Variants in CYP7B1 observed in about 807,000 individuals in gnomAD.
The protein encoded by CYP7B1 is cytochrome P450 family 7 subfamily B member 1, also known as cytochrome P450 7B1.
Under a neutral mutation model 42.7 loss-of-function variants are expected in CYP7B1, and 29 were observed. That is an observed-to-expected ratio of 0.68 (90% CI 0.51 to 0.93). The LOEUF (loss-of-function observed/expected upper bound fraction) is 0.93, where lower values mean the gene tolerates loss of function less well. Ranked by LOEUF, CYP7B1 falls within the 40% of genes least tolerant of loss-of-function variation. CYP7B1 has a pLI of 0.00. For synonymous variants in CYP7B1, 235 were observed against 218.2 expected (o/e 1.08, Z -0.68); for missense variants, 655 against 600.5 (o/e 1.09, Z -0.95).
intron 1 of CYP7B1, among the ~76,000 whole-genome samples, chr8:64,669,592 A>G (rs1195770776): frequency 6.6e-6 from 1 of 152,154 alleles, no homozygotes; most frequent in African/African-American, 2.4e-5. Context: ...TGTTGGATGA[A>G]TTACCTCATT....
At chr8:64,738,059 T>G (rs190761512) in intron 1 of CYP7B1, among the ~76,000 whole-genome samples, 2 of 152,342 alleles carry the variant, frequency 1.3e-5, no homozygotes, top group Admixed American at 1.3e-4. Context: ...GATATGAATT[T>G]TTATATTCTA....
intron 1 of CYP7B1, among the ~76,000 whole-genome samples, chr8:64,709,121 G>A (rs1807043135): frequency 6.6e-6 from 1 of 152,182 alleles, no homozygotes; most frequent in African/African-American, 2.4e-5. Flanking sequence ...CTGCACCAGA[G>A]GCAACACTGA....
chr8:64,742,845 C>T (rs1807589878), intron 1 of CYP7B1, among the ~76,000 whole-genome samples: 6 of 152,092 alleles, frequency 3.9e-5, no homozygotes, highest in Admixed American at 3.9e-4. Context: ...TCCTTTGTAA[C>T]CCTCCATATG....
intron 1 of CYP7B1, among the ~76,000 whole-genome samples, chr8:64,624,948 A>ATTGTTTTTT (rs1185048024): frequency 1.3e-5 from 1 of 76,802 alleles, no homozygotes; most frequent in Non-Finnish European, 2.4e-5. Context: ...CCATTATATC[A>ATTGTTTTTT]TTCTTTTTTT....
chr8:64,590,481 C>T (rs190132256), downstream of CYP7B1, among the ~76,000 whole-genome samples: 57 of 152,328 alleles, frequency 3.7e-4, no homozygotes, highest in African/African-American at 1.3e-3. Flanking sequence ...ACAAAGATTA[C>T]ACCTGCTGAA....
intron 1 of CYP7B1, among the ~76,000 whole-genome samples, chr8:64,797,755 A>G (rs1804726739): frequency 6.6e-6 from 1 of 152,244 alleles, no homozygotes; most frequent in Non-Finnish European, 1.5e-5. Context: ...CCAGAGCAGT[A>G]TGAAAATAGG....
Position 64,637,723 on chromosome 8 carries a change from CAT to C in CYP7B1, c.123-13186_123-13185del, listed in dbSNP as rs528311063. On this transcript the variant is annotated intron_variant, in intron 1 of 5. Coordinates refer to ENST00000310193, the MANE Select transcript of CYP7B1 (RefSeq NM_004820.5). ...ACCCCATCTTGTCTGTACCCTCCCA[CAT>C]GTTTTGTGAAATAAACTTTCAATGT... is the stretch of plus-strand genomic sequence containing the variant. 3.2e-4 allele frequency among the ~76,000 whole-genome samples: 48 copies of C among 152,300 alleles called. 2 individuals carry two copies. The South Asian group carries it at 9.3e-3, about 30-fold the overall frequency.
chr8:64,738,629 C>A (rs998528727), intron 1 of CYP7B1, among the ~76,000 whole-genome samples: 1 of 152,130 alleles, frequency 6.6e-6, no homozygotes, highest in African/African-American at 2.4e-5. Context: ...CTGGTTTCAG[C>A]TCCAATATGT....
intron 1 of CYP7B1, among the ~76,000 whole-genome samples, chr8:64,657,894 G>T (rs1298017920): frequency 1.3e-5 from 2 of 152,176 alleles, no homozygotes; most frequent in African/African-American, 2.4e-5. Flanking sequence ...TACAAAAATG[G>T]TGATTTACAA....
rs1805048707 is a variant in CYP7B1 at position 64,592,285 on chromosome 8, A to G, written c.*4357T>C. Among the ~76,000 whole-genome samples, 2 of 152,224 alleles carry G rather than the reference A, an allele frequency of 1.3e-5. No individual in the cohort carries two copies. The highest frequency in any genetic ancestry group is 4.8e-5 in the African/African-American group (2 of 41,464). Reference sequence around the variant, plus strand: ...TGGTTTTAATTATCATATTATCAAAATACCTGTTGTATATATTTTTATTGT... The same window carrying G: ...TGGTTTTAATTATCATATTATCAAAGTACCTGTTGTATATATTTTTATTGT... On this transcript the variant is annotated 3_prime_UTR_variant, in exon 6 of 6. Transcript: ENST00000310193.
In CYP7B1 at chr8:64,693,030, AG is replaced by A. The variant is rs558549088; in HGVS notation, c.123-68492del. 7.2e-5 allele frequency among the ~76,000 whole-genome samples: 11 copies of A among 152,362 alleles called. 1 individual carries two copies. The South Asian group carries it at 2.1e-3, about 29-fold the overall frequency. On this transcript the variant is annotated intron_variant, in intron 1 of 5. Transcript: ENST00000310193. ...GGCTTTGCCAAGTGTCCCAGCATTA[AG>A]ACATCCTGCTTCTTTGCTCTCAGGG...
chr8:64,604,614 T>C lies in CYP7B1; in HGVS notation c.1233+68A>G, dbSNP rs773788120. 27 of 1,583,320 alleles carry C rather than the reference T, an allele frequency of 1.7e-5. No individual in the cohort carries two copies. In the South Asian group the frequency reaches 2.1e-4, roughly 12 times the overall value. ...GGACCAAAGTGGCAAGAGGAAGAGATAGGGATGGAAGAGGAATGTGCCCAC... is the reference window on the plus strand; with the variant it reads ...GGACCAAAGTGGCAAGAGGAAGAGACAGGGATGGAAGAGGAATGTGCCCAC... On this transcript the variant is annotated intron_variant, in intron 5 of 5. Transcript: ENST00000310193.
chr8:64,798,435 G>C, intron 1 of CYP7B1, 31 bp downstream of exon 1: 1 of 1,502,774 alleles, frequency 6.7e-7, no homozygotes. Context: ...GGCCCAGGGC[G>C]CATGCGTGGC....
At chr8:64,614,955 C>G in intron 4 of CYP7B1, 71 bp downstream of exon 4, 3 of 1,470,404 alleles carry the variant, frequency 2.0e-6, no homozygotes, top group Non-Finnish European at 2.9e-6. Flanking sequence ...TCTTGGTAAA[C>G]AGCTATGAGT....
intron 1 of CYP7B1, among the ~76,000 whole-genome samples, chr8:64,643,156 T>C (rs1185908222): frequency 2.8e-5 from 3 of 106,152 alleles, no homozygotes; most frequent in Non-Finnish European, 4.0e-5. Context: ...CATATATACA[T>C]ATATACACAT....
At position 64,717,369 on chromosome 8, in the gene CYP7B1, C is replaced by T. The variant is rs78676734; in HGVS notation, c.122+81097G>A. The stretch of plus-strand genomic sequence containing the variant: ...ATTTCAGAATGTTGTGAAAATTGTA[C>T]GACTGTTTATTGACTTGCTAGCTCT... On this transcript the variant is annotated intron_variant, in intron 1 of 5. Coordinates refer to ENST00000310193, the MANE Select transcript of CYP7B1 (RefSeq NM_004820.5). 9.2e-3 allele frequency among the ~76,000 whole-genome samples: 1,407 copies of T among 152,240 alleles called. 20 individuals are homozygous for T. The highest frequency in any genetic ancestry group is 0.032 in the African/African-American group (1,331 of 41,540).
intron 1 of CYP7B1, among the ~76,000 whole-genome samples, chr8:64,628,278 A>G (rs1805638093): frequency 6.6e-6 from 1 of 152,236 alleles, no homozygotes; most frequent in Admixed American, 6.5e-5. Flanking sequence ...CAGTGCTTAC[A>G]GTTTCTTTCA....
intron 1 of CYP7B1, among the ~76,000 whole-genome samples, chr8:64,791,754 T>A (rs942200893): frequency 6.6e-6 from 1 of 152,190 alleles, no homozygotes; most frequent in Admixed American, 6.5e-5. Flanking sequence ...AAAACTAATA[T>A]AGATTTGTGG....
chr8:64,616,075 T>A lies in CYP7B1; in HGVS notation c.466A>T (p.Ser156Cys). 6.2e-7 allele frequency: 1 copy of A among 1,613,790 alleles called. No homozygotes were observed. Among genetic ancestry groups the A allele is most frequent in the Non-Finnish European group, 8.5e-7 (1 of 1,179,844 alleles). The change falls in exon 3 of 6, where the codon AGC becomes TGC. Residue 156 changes from serine (S) to cysteine (C), a missense_variant. By Grantham distance (112) the Ser-to-Cys change is moderately radical (BLOSUM62 -1). Transcript: ENST00000310193. ...QGKSLDILLESMMQNLKQVFE... is the reference protein window; with the variant it reads ...QGKSLDILLECMMQNLKQVFE... Reference sequence around the variant, plus strand: ...ACTTGTTTTAGATTCTGCATCATGCTTTCCAAGAGTATGTCCAAAGATTTG... The same window carrying A: ...ACTTGTTTTAGATTCTGCATCATGCATTCCAAGAGTATGTCCAAAGATTTG...
Sources: gnomAD v4.1 joint callset for allele counts (sites outside exome capture counted in the v4.1 genomes callset) on GRCh38, gnomAD v4.1.1 for gene constraint, MANE v1.5 for transcripts, NCBI Gene and HGNC (gene_info 2026-07-23, HGNC 2026-07-21) for gene names.